The following C8orf34 variants were observed in gnomAD, a reference collection of about 807,000 sequenced individuals.
C8orf34 encodes the protein chromosome 8 open reading frame 34.
A neutral mutation model predicts 68.3 loss-of-function variants in C8orf34; 65 were observed. That is an observed-to-expected ratio of 0.95 (90% CI 0.78 to 1.17). The LOEUF is 1.17. C8orf34 is among the 50% of genes most tolerant of loss of function. The probability of loss-of-function intolerance (pLI) is 0.00; values close to 1 mark genes in which losing one functional copy is unlikely to be tolerated. For missense variants in C8orf34, 664 were observed against 655.4 expected (o/e 1.01, Z -0.14); for synonymous variants, 244 against 241.2 (o/e 1.01, Z -0.11).
At chr8:68,335,756 C>T (rs1031369918) in intron 1 of C8orf34, among the ~76,000 whole-genome samples, 10 of 152,030 alleles carry the variant, frequency 6.6e-5, no homozygotes, top group African/African-American at 2.4e-4. Flanking sequence ...TGTACATATA[C>T]CAATATGGCA....
chr8:68,738,740 A>T (rs1822193573), intron 10 of C8orf34, among the ~76,000 whole-genome samples: 2 of 152,088 alleles, frequency 1.3e-5, no homozygotes, highest in Admixed American at 6.6e-5. Context: ...ACCAAGAAGA[A>T]ATTGAATCTC....
At chr8:68,469,966 A>G (rs1312422698) in intron 4 of C8orf34, among the ~76,000 whole-genome samples, 2 of 151,128 alleles carry the variant, frequency 1.3e-5, no homozygotes, top group African/African-American at 2.4e-5. Context: ...GTATGTGTGT[A>G]CAGCTTTAGT....
chr8:68,505,394 T>C (rs890326443), intron 5 of C8orf34, among the ~76,000 whole-genome samples: 22 of 152,130 alleles, frequency 1.4e-4, no homozygotes, highest in African/African-American at 4.6e-4. Flanking sequence ...GGTAAGAAGT[T>C]GAACAAATTC....
Position 68,531,924 on chromosome 8 carries a change from G to A in C8orf34, c.939-1059G>A, listed in dbSNP as rs185451837. ...CTTCACTCCCAAAGTAGCAAGAGAAGGTGGCCCATGTAGGTTATTTCTTCC... is the reference window on the plus strand; with the variant it reads ...CTTCACTCCCAAAGTAGCAAGAGAAAGTGGCCCATGTAGGTTATTTCTTCC... On this transcript the variant is annotated intron_variant, in intron 6 of 13. Transcript: ENST00000518698. 3.9e-5 allele frequency among the ~76,000 whole-genome samples: 6 copies of A among 152,168 alleles called. No individual in the cohort carries two copies. The East Asian group carries it at 9.7e-4, about 25-fold the overall frequency.
chr8:68,533,736 A>G (rs563966513), intron 7 of C8orf34: 2 of 942,366 alleles, frequency 2.1e-6, no homozygotes, highest in East Asian at 1.2e-4. Flanking sequence ...TTAATGTAGT[A>G]TATGTATGTT....
At chr8:68,733,024 A>G (rs958329757) in intron 10 of C8orf34, among the ~76,000 whole-genome samples, 2 of 152,170 alleles carry the variant, frequency 1.3e-5, no homozygotes, top group Non-Finnish European at 2.9e-5. Flanking sequence ...AGATCACCCC[A>G]CTGTGCTCCA....
chr8:68,595,613 T>C (rs1016313731), intron 7 of C8orf34, among the ~76,000 whole-genome samples: 5 of 152,130 alleles, frequency 3.3e-5, no homozygotes, highest in African/African-American at 1.2e-4. Context: ...ATCATTTGAA[T>C]CTGAGGACTT....
Position 68,718,090 on chromosome 8 carries a change from G to A in C8orf34, c.1328-3271G>A, listed in dbSNP as rs533751412. Reference sequence around the variant, plus strand: ...TTTCCCTCCCTTCTCTGCCTATTTAGATCACCTGTTCTAAGATCATGTAAA... The same window carrying A: ...TTTCCCTCCCTTCTCTGCCTATTTAAATCACCTGTTCTAAGATCATGTAAA... On this transcript the variant is annotated intron_variant, in intron 9 of 13. Coordinates refer to ENST00000518698, the MANE Select transcript of C8orf34 (RefSeq NM_052958.4). 1.2e-4 allele frequency among the ~76,000 whole-genome samples: 18 copies of A among 152,184 alleles called. 1 individual carries two copies. In the South Asian group the frequency reaches 3.7e-3, roughly 32 times the overall value.
At chr8:68,367,629 C>T (rs1446687509) in intron 1 of C8orf34, among the ~76,000 whole-genome samples, 6 of 135,668 alleles carry the variant, frequency 4.4e-5, no homozygotes, top group African/African-American at 1.7e-4. Context: ...AATCATCATT[C>T]TCAGTAAACT....
chr8:68,771,829 C>T (rs879843814), intron 10 of C8orf34, among the ~76,000 whole-genome samples: 1 of 152,108 alleles, frequency 6.6e-6, no homozygotes, highest in Non-Finnish European at 1.5e-5. Flanking sequence ...TTTCCCATAG[C>T]ATCTTGATCT....
chr8:68,566,810 T>A (rs1365280199), intron 7 of C8orf34, among the ~76,000 whole-genome samples: 1 of 152,206 alleles, frequency 6.6e-6, no homozygotes, highest in African/African-American at 2.4e-5. Context: ...CTTCAAGAAT[T>A]TTTTCTTTGC....
At chr8:68,610,059 A>G (rs1817973384) in intron 7 of C8orf34, among the ~76,000 whole-genome samples, 1 of 152,210 alleles carries the variant, frequency 6.6e-6, no homozygotes, top group South Asian at 2.1e-4. Context: ...TAATGAATAT[A>G]GAATTGAAGA....
At chr8:68,401,492 C>T (rs987496212) in intron 1 of C8orf34, among the ~76,000 whole-genome samples, 4 of 152,074 alleles carry the variant, frequency 2.6e-5, no homozygotes, top group African/African-American at 9.7e-5. Flanking sequence ...TCCCTATTCA[C>T]TATAATGTTG....
intron 10 of C8orf34, among the ~76,000 whole-genome samples, chr8:68,747,070 C>G: frequency 6.6e-6 from 1 of 151,306 alleles, no homozygotes; most frequent in Non-Finnish European, 1.5e-5. Context: ...GGATGCAAGG[C>G]TGGTTCAATA....
At chr8:68,567,069 A>G (rs897342265) in intron 7 of C8orf34, among the ~76,000 whole-genome samples, 2 of 152,014 alleles carry the variant, frequency 1.3e-5, no homozygotes, top group East Asian at 1.9e-4. Flanking sequence ...ATGTTCATCT[A>G]TGTTGGTCTG....
At chr8:68,779,040 A>G (rs1823598851) in intron 11 of C8orf34, among the ~76,000 whole-genome samples, 3 of 151,916 alleles carry the variant, frequency 2.0e-5, no homozygotes, top group South Asian at 4.2e-4. Flanking sequence ...AGGCAGGCAT[A>G]GTGGCACACA....
intron 1 of C8orf34, among the ~76,000 whole-genome samples, chr8:68,431,358 T>C (rs919124423): frequency 6.6e-6 from 1 of 152,228 alleles, no homozygotes; most frequent in African/African-American, 2.4e-5. Flanking sequence ...TTATGGGAAC[T>C]TCTATATACA....
chr8:68,441,419 A>G (rs1471843083), intron 2 of C8orf34, among the ~76,000 whole-genome samples: 1 of 152,138 alleles, frequency 6.6e-6, no homozygotes, highest in Non-Finnish European at 1.5e-5. Flanking sequence ...GCAGCAGTTT[A>G]CTAATTCTTC....
At chr8:68,472,086 T>A (rs1419744528) in intron 4 of C8orf34, among the ~76,000 whole-genome samples, 1 of 152,024 alleles carries the variant, frequency 6.6e-6, no homozygotes, top group Non-Finnish European at 1.5e-5. Flanking sequence ...ATGTAACATT[T>A]TATCTTAAAG....
Sources: allele counts gnomAD v4.1 joint callset (sites outside exome capture counted in the v4.1 genomes callset), GRCh38; gene constraint gnomAD v4.1.1; transcripts MANE v1.5; gene names NCBI Gene and HGNC (gene_info 2026-07-23, HGNC 2026-07-21).